Variants in SDHB observed in about 807,000 individuals in gnomAD.
SDHB encodes succinate dehydrogenase complex iron sulfur subunit B, also known as succinate dehydrogenase [ubiquinone] iron-sulfur subunit, mitochondrial.
SDHB carries 21 observed loss-of-function variants against 39.7 expected under a neutral mutation model. That is an observed-to-expected ratio of 0.53 (90% confidence interval 0.37 to 0.76). SDHB has a LOEUF of 0.76. Ranked by LOEUF, SDHB falls within the 30% of genes least tolerant of loss-of-function variation. SDHB has a pLI of 0.00. For synonymous variants in SDHB, 118 were observed against 117.0 expected, an observed-to-expected ratio of 1.01 and a Z score of -0.06; for missense variants, 343 against 350.9, an observed-to-expected ratio of 0.98 and a Z score of 0.18.
chr1:17,042,570 G>C (rs1228562251), intron 2 of SDHB, among the ~76,000 whole-genome samples: 1 of 152,124 alleles, frequency 6.6e-6, no homozygotes, highest in Non-Finnish European at 1.5e-5. Context: ...TTGAGCCCAG[G>C]AGTTTGAGAC....
At chr1:17,048,168 G>A (rs7536679) in intron 1 of SDHB, among the ~76,000 whole-genome samples, 64,030 of 152,052 alleles carry the variant, frequency 0.42, 15,140 homozygotes, top group Non-Finnish European at 0.54. Context: ...GTAAGCCCTA[G>A]CAATCACTAA....
intron 5 of SDHB, among the ~76,000 whole-genome samples, chr1:17,026,919 C>G (rs1027385648): frequency 6.6e-6 from 1 of 152,164 alleles, no homozygotes; most frequent in Non-Finnish European, 1.5e-5. Context: ...GAATGCACCA[C>G]TGCATCTGGC....
intron 2 of SDHB, among the ~76,000 whole-genome samples, chr1:17,034,040 T>C (rs1389162983): frequency 6.6e-6 from 1 of 152,236 alleles, no homozygotes; most frequent in Non-Finnish European, 1.5e-5. Context: ...TCCACAAATC[T>C]ATTTTCTGGT....
At chr1:17,053,899 G>A (rs368963771) in intron 1 of SDHB, 49 bp downstream of exon 1, 2 of 1,404,300 alleles carry the variant, frequency 1.4e-6, no homozygotes, top group South Asian at 2.4e-5. Context: ...GCTCCAGGCA[G>A]TCTCTGTGGC....
chr1:17,020,263 G>A (rs2077954385), intron 7 of SDHB, among the ~76,000 whole-genome samples: 2 of 152,188 alleles, frequency 1.3e-5, no homozygotes, highest in African/African-American at 2.4e-5. Flanking sequence ...GGAAGAAAGA[G>A]CACTGGATGG....
In SDHB at chr1:17,018,853, T is replaced by G; in HGVS notation, c.*28A>C. The G allele has an allele frequency of 6.5e-7, 1 of 1,534,780 alleles. No homozygotes were observed. Among genetic ancestry groups the G allele is most frequent in the Non-Finnish European group, 9.0e-7 (1 of 1,108,026 alleles). On this transcript the variant is annotated 3_prime_UTR_variant, in exon 8 of 8. Transcript: ENST00000375499. ...TAAATTATGTTCAGCTCTGAGCTGG[T>G]TATAAATCATGTTTAGCATGGAAAC...
At chr1:17,042,260 G>GT (rs1483171690) in intron 2 of SDHB, among the ~76,000 whole-genome samples, 1 of 152,180 alleles carries the variant, frequency 6.6e-6, no homozygotes, top group Non-Finnish European at 1.5e-5. Context: ...GCAAAATCAT[G>GT]TAAGAGTAAA....
At chr1:17,051,162 G>A (rs1260389297) in intron 1 of SDHB, among the ~76,000 whole-genome samples, 1 of 152,208 alleles carries the variant, frequency 6.6e-6, no homozygotes, top group Non-Finnish European at 1.5e-5. Flanking sequence ...GAGACTATAT[G>A]ATTTTTTTCC....
chr1:17,023,435 GT>G (rs1414449547), intron 6 of SDHB, among the ~76,000 whole-genome samples: 1 of 152,246 alleles, frequency 6.6e-6, no homozygotes, highest in Non-Finnish European at 1.5e-5. Context: ...TGGTTTTTGA[GT>G]TGCCTAGAGT....
intron 2 of SDHB, 37 bp downstream of exon 2, chr1:17,044,724 C>T (rs1040352894): frequency 1.6e-5 from 25 of 1,606,712 alleles, no homozygotes; most frequent in African/African-American, 2.7e-5. Context: ...AAATCAAGAA[C>T]TCTCCTTCAA....
rs1280868219 is a variant in SDHB at position 17,044,790 on chromosome 1, A to G, written c.171T>C (p.His57=). 15 of 1,614,000 alleles carry G rather than the reference A, an allele frequency of 9.3e-6. No individual in the cohort carries two copies. The East Asian group carries it at 3.1e-4, about 34-fold the overall frequency. The part of the protein sequence containing the change: ...WDPDKAGDKP[H]MQTYEVDLNK... ...TAAGGTCAACTTCATAAGTCTGCAT[A>G]TGAGGTTTGTCTCCAGCCTTGTCTG... is the stretch of plus-strand genomic sequence containing the variant. The change falls in exon 2 of 8, where the codon CAT becomes CAC. Residue 57 remains histidine, a synonymous_variant. Transcript: ENST00000375499.
chr1:17,045,948 A>G (rs559522090), intron 1 of SDHB, among the ~76,000 whole-genome samples: 8 of 152,168 alleles, frequency 5.3e-5, no homozygotes, highest in Non-Finnish European at 1.0e-4. Flanking sequence ...CAATAAATCT[A>G]TGCTTTCGTC....
rs142770191 is a variant in SDHB at position 17,050,532 on chromosome 1, T to C, written c.72+3416A>G. The stretch of plus-strand genomic sequence containing the variant: ...CAGGCACGATGGCGGGCACCTGTAA[T>C]CTCAGCTACTTGGGAGGCCGAGGCA... On this transcript the variant is annotated intron_variant, in intron 1 of 7. Coordinates refer to ENST00000375499, the MANE Select transcript of SDHB (RefSeq NM_003000.3). Among the ~76,000 whole-genome samples, 781 of 152,018 alleles carry C rather than the reference T, an allele frequency of 5.1e-3. 6 individuals carry two copies. The highest frequency in any genetic ancestry group is 0.018 in the African/African-American group (738 of 41,466).
chr1:17,044,633 AT>A, intron 2 of SDHB, 127 bp downstream of exon 2: 1 of 1,181,236 alleles, frequency 8.5e-7, no homozygotes, highest in Non-Finnish European at 1.2e-6. Flanking sequence ...GCCCAAGCTC[AT>A]TCTTGTTTTA....
intron 1 of SDHB, chr1:17,045,114 A>G: frequency 3.7e-6 from 2 of 535,896 alleles, no homozygotes; most frequent in Non-Finnish European, 6.7e-6. Flanking sequence ...CTTAATACAC[A>G]AAAACCTTCA....
rs768966871 is a variant in SDHB at position 17,033,055 on chromosome 1, C to G, written c.286+5G>C. 6.2e-7 allele frequency: 1 copy of G among 1,610,488 alleles called. No homozygotes were observed. The highest frequency in any genetic ancestry group is 1.7e-5 in the Admixed American group (1 of 59,998). On this transcript the variant is annotated splice_donor_5th_base_variant and intron_variant, in intron 3 of 7. Transcript: ENST00000375499. ...TCTGGAGCCCAACAGGAATGAAATG[C>G]TCACCTTCTCTGCATGATCTTCGGA...
At chr1:17,019,235 G>A (rs1357638619) in intron 7 of SDHB, among the ~76,000 whole-genome samples, 4 of 152,150 alleles carry the variant, frequency 2.6e-5, no homozygotes, top group African/African-American at 4.8e-5. Flanking sequence ...CAGGGCAGAG[G>A]TGCACTCTCT....
chr1:17,034,159 TTTTTTCTTG>T (rs1014863220), intron 2 of SDHB, among the ~76,000 whole-genome samples: 2 of 152,174 alleles, frequency 1.3e-5, no homozygotes, highest in African/African-American at 4.8e-5. Flanking sequence ...TTTTTTTCTT[TTTTTTCTTG>T]AGACGGGGTC....
chr1:17,044,657 T>A, intron 2 of SDHB, 104 bp downstream of exon 2: 1 of 1,348,290 alleles, frequency 7.4e-7, no homozygotes, highest in Non-Finnish European at 1.1e-6. Context: ...AACAGAGCCA[T>A]CGGATGATCT....
Sources: allele counts gnomAD v4.1 joint callset (sites outside exome capture counted in the v4.1 genomes callset), GRCh38; gene constraint gnomAD v4.1.1; transcripts MANE v1.5; gene names NCBI Gene and HGNC (gene_info 2026-07-23, HGNC 2026-07-21).